SLC22A3: variants seen among roughly 807,000 people sequenced by gnomAD.
SLC22A3 encodes solute carrier family 22 member 3, also known as EMT organic cation transporter 3.
A neutral mutation model predicts 59.1 loss-of-function variants in SLC22A3; 51 were observed. That is an observed-to-expected ratio of 0.86 (90% CI 0.69 to 1.09). The LOEUF (loss-of-function observed/expected upper bound fraction) is 1.09, where lower values mean the gene tolerates loss of function less well. Among genes scored for constraint, SLC22A3 ranks in the 50% least tolerant of loss-of-function variants. The probability of loss-of-function intolerance (pLI) is 0.00; values close to 1 mark genes in which losing one functional copy is unlikely to be tolerated. For missense variants in SLC22A3, 711 were observed against 726.3 expected, an observed-to-expected ratio of 0.98 and a Z score of 0.24; for synonymous variants, 325 against 292.0, an observed-to-expected ratio of 1.11 and a Z score of -1.15.
intron 10 of SLC22A3, 66 bp from the exon 11 acceptor site, chr6:160,450,930 A>G (rs1429550456): frequency 7.0e-7 from 1 of 1,430,726 alleles, no homozygotes; most frequent in Non-Finnish European, 9.6e-7. Flanking sequence ...ATTAAATAAT[A>G]ACAGAACACC....
intron 1 of SLC22A3, among the ~76,000 whole-genome samples, chr6:160,357,677 A>G (rs187075880): frequency 6.6e-6 from 1 of 152,366 alleles, no homozygotes; most frequent in African/African-American, 2.4e-5. Flanking sequence ...ACAAATGAGT[A>G]TCTTAAAGAA....
rs769473022 is a variant in SLC22A3 at position 160,437,161 on chromosome 6, G to A, written c.1238G>A (p.Ser413Asn). 3 of 1,614,168 alleles carry A rather than the reference G, an allele frequency of 1.9e-6. No homozygotes were observed. The Admixed American group carries it at 5.0e-5, about 27-fold the overall frequency. ...GGACGACGCCTCCCCTTTGCGGCAAGCAATATAGTGGCAGGGGTGGCATGC... is the reference window on the plus strand; with the variant it reads ...GGACGACGCCTCCCCTTTGCGGCAAACAATATAGTGGCAGGGGTGGCATGC... ...RLGRRLPFAASNIVAGVACLV... is the reference protein window; with the variant it reads ...RLGRRLPFAANNIVAGVACLV... The change falls in exon 7 of 11, where the codon AGC (serine) becomes AAC (asparagine). Residue 413 changes from serine to asparagine, a missense_variant. Physicochemically the swap from Ser to Asn is conservative, Grantham distance 46 (BLOSUM62 1). Transcript: ENST00000275300.
In SLC22A3 at chr6:160,380,369, G is replaced by A. The variant is rs531619201; in HGVS notation, c.430-17610G>A. 3.1e-3 allele frequency among the ~76,000 whole-genome samples: 472 copies of A among 152,080 alleles called. 2 individuals carry two copies. The highest frequency in any genetic ancestry group is 4.7e-3 in the Non-Finnish European group (322 of 67,942). The stretch of plus-strand genomic sequence containing the variant: ...TTCAATGTGTTTCTGTAACAATAAT[G>A]AAAAGTAAAGGCATGTAATCTCTTT... On this transcript the variant is annotated intron_variant, in intron 1 of 10. Coordinates refer to ENST00000275300, the MANE Select transcript of SLC22A3 (RefSeq NM_021977.4).
rs187217715 is a variant in SLC22A3, at chr6:160,360,829, A to C, written c.429+11981A>C. Among the ~76,000 whole-genome samples the C allele has an allele frequency of 4.9e-3, 739 of 152,316 alleles. 5 individuals are homozygous for C. The highest frequency in any genetic ancestry group is 0.014 in the Admixed American group (221 of 15,300). ...TATTATTGACTTGGTGACAAGATAT[A>C]GAGTGATCATGGAGCTGGGATCCAT... On this transcript the variant is annotated intron_variant, in intron 1 of 10. Transcript: ENST00000275300.
chr6:160,405,455 T>C (rs1412437473), intron 2 of SLC22A3, among the ~76,000 whole-genome samples: 1 of 152,140 alleles, frequency 6.6e-6, no homozygotes, highest in Non-Finnish European at 1.5e-5. Flanking sequence ...TCATTGCTGG[T>C]GAGAATGCAA....
chr6:160,452,188 T>C lies in SLC22A3; in HGVS notation c.*1132T>C, dbSNP rs956724183. On this transcript the variant is annotated 3_prime_UTR_variant, in exon 11 of 11. Transcript: ENST00000275300. ...TCTGCTTTATATGTTATATTCAATA[T>C]CTTTTCAGATGCAGTCTATATTTTA... 8 of 152,196 alleles carry C rather than the reference T, an allele frequency of 5.3e-5. 2 individuals carry two copies. The South Asian group carries it at 1.2e-3, about 24-fold the overall frequency. The allele number at this position is 152,196 out of a possible 1,614,324, so 9.4% of individuals were successfully genotyped here.
intron 7 of SLC22A3, among the ~76,000 whole-genome samples, chr6:160,441,259 A>G (rs1788527798): frequency 6.6e-6 from 1 of 152,070 alleles, no homozygotes; most frequent in Admixed American, 6.6e-5. Context: ...CCACATGCTC[A>G]TTGAAAGATG....
intron 1 of SLC22A3, among the ~76,000 whole-genome samples, chr6:160,360,233 G>T (rs1784970408): frequency 6.6e-6 from 1 of 152,114 alleles, no homozygotes; most frequent in South Asian, 2.1e-4. Flanking sequence ...CAAGGTGGGT[G>T]GATCACCTGA....
intron 1 of SLC22A3, among the ~76,000 whole-genome samples, chr6:160,382,973 A>G (rs555058363): frequency 6.6e-6 from 1 of 152,232 alleles, no homozygotes; most frequent in Non-Finnish European, 1.5e-5. Flanking sequence ...AATTGACAAT[A>G]GATTTTTAAA....
At chr6:160,436,730 G>GTT (rs34999803) in intron 5 of SLC22A3, 50 bp from the exon 6 acceptor site, 737 of 1,012,358 alleles carry the variant, frequency 7.3e-4, no homozygotes, top group South Asian at 9.0e-4. Flanking sequence ...TACTATGCAG[G>GTT]TTTTTTTTTT....
chr6:160,355,368 G>A (rs1034332235), intron 1 of SLC22A3, among the ~76,000 whole-genome samples: 10 of 152,120 alleles, frequency 6.6e-5, no homozygotes, highest in South Asian at 4.1e-4. Context: ...CTTAGCCCCC[G>A]GGGCTCCCAC....
At chr6:160,434,137 T>G (rs1178428307) in intron 5 of SLC22A3, among the ~76,000 whole-genome samples, 1 of 152,226 alleles carries the variant, frequency 6.6e-6, no homozygotes, top group African/African-American at 2.4e-5. Context: ...TTGGTGGTGA[T>G]ACTTTCATGG....
chr6:160,374,639 G>A (rs571455745), intron 1 of SLC22A3, among the ~76,000 whole-genome samples: 4 of 152,278 alleles, frequency 2.6e-5, no homozygotes, highest in South Asian at 2.1e-4. Context: ...ATTACCCAGC[G>A]TGTGTGGAGA....
chr6:160,398,632 T>G (rs2872317), intron 2 of SLC22A3, among the ~76,000 whole-genome samples: 1 of 152,018 alleles, frequency 6.6e-6, no homozygotes, highest in African/African-American at 2.4e-5. Context: ...GTGGCAGGCA[T>G]GGTGAGTGTG....
At chr6:160,349,834 A>T (rs972562269) in intron 1 of SLC22A3, among the ~76,000 whole-genome samples, 6 of 152,156 alleles carry the variant, frequency 3.9e-5, no homozygotes, top group Admixed American at 1.3e-4. Flanking sequence ...AGTTAATTTT[A>T]AAAAAAGATT....
At chr6:160,438,579 AACACACACACACACACATACACACAC>A (rs1306082621) in intron 7 of SLC22A3, among the ~76,000 whole-genome samples, 1 of 91,994 alleles carries the variant, frequency 1.1e-5, no homozygotes. Context: ...CAATATTCGG[AACACACACACACACACATACACACAC>A]ACACACACAC....
intron 1 of SLC22A3, among the ~76,000 whole-genome samples, chr6:160,361,627 T>C (rs971772104): frequency 1.4e-4 from 21 of 152,252 alleles, no homozygotes; most frequent in African/African-American, 4.8e-4. Flanking sequence ...GCCATTTTTG[T>C]AGATTTTTTT....
intron 1 of SLC22A3, among the ~76,000 whole-genome samples, chr6:160,351,675 A>T (rs1039716892): frequency 6.6e-6 from 1 of 152,232 alleles, no homozygotes; most frequent in African/African-American, 2.4e-5. Flanking sequence ...TTGAAGCCTA[A>T]GATACAAATC....
intron 1 of SLC22A3, among the ~76,000 whole-genome samples, chr6:160,383,464 C>T (rs1032228376): frequency 6.6e-6 from 1 of 152,172 alleles, no homozygotes; most frequent in Non-Finnish European, 1.5e-5. Flanking sequence ...TTGCTATGCT[C>T]ACTACACTTT....
Sources: allele counts gnomAD v4.1 joint callset (sites outside exome capture counted in the v4.1 genomes callset), GRCh38; gene constraint gnomAD v4.1.1; transcripts MANE v1.5; gene names NCBI Gene and HGNC (gene_info 2026-07-23, HGNC 2026-07-21).